STXBP6: variants seen among roughly 807,000 people sequenced by gnomAD.
STXBP6 encodes syntaxin-binding protein 6.
STXBP6 carries 21 observed loss-of-function variants against 26.9 expected under a neutral mutation model. That is an observed-to-expected ratio of 0.78 (90% CI 0.55 to 1.12). STXBP6 has a LOEUF of 1.12. Among genes scored for constraint, STXBP6 ranks in the 50% most tolerant of loss-of-function variants. STXBP6 has a pLI of 0.00. For missense variants in STXBP6, 232 were observed against 257.9 expected, an observed-to-expected ratio of 0.90 and a Z score of 0.69; for synonymous variants, 97 against 92.6, an observed-to-expected ratio of 1.05 and a Z score of -0.27.
chr14:24,899,812 A>AAAAAG (rs2071147278), intron 2 of STXBP6, among the ~76,000 whole-genome samples: 5 of 144,650 alleles, frequency 3.5e-5, no homozygotes, highest in African/African-American at 1.1e-4. Flanking sequence ...AAAAAAAAAA[A>AAAAAG]AAAAGAGTAA....
chr14:24,858,346 G>A (rs567727158), intron 2 of STXBP6, among the ~76,000 whole-genome samples: 2 of 152,192 alleles, frequency 1.3e-5, no homozygotes, highest in East Asian at 3.9e-4. Flanking sequence ...ACTGTCCTTA[G>A]ATCTAGTGAG....
chr14:24,816,539 C>T (rs1221959415), intron 5 of STXBP6: 1 of 152,050 alleles, frequency 6.6e-6, no homozygotes, highest in Non-Finnish European at 1.5e-5. Context: ...CTAGTAACCC[C>T]TCCTCTTCCC....
At chr14:24,944,015 G>C (rs1402202861) in intron 2 of STXBP6, among the ~76,000 whole-genome samples, 1 of 151,890 alleles carries the variant, frequency 6.6e-6, no homozygotes, top group Non-Finnish European at 1.5e-5. Context: ...AATTAGTGTT[G>C]GTTTTTATTG....
At chr14:24,988,166 G>A (rs1042256509) in intron 1 of STXBP6, among the ~76,000 whole-genome samples, 1 of 152,302 alleles carries the variant, frequency 6.6e-6, no homozygotes, top group East Asian at 1.9e-4. Flanking sequence ...CTTCTAAGAG[G>A]ACATTCATCT....
intron 4 of STXBP6, among the ~76,000 whole-genome samples, chr14:24,825,803 C>G (rs867438509): frequency 6.6e-6 from 1 of 152,196 alleles, no homozygotes; most frequent in African/African-American, 2.4e-5. Context: ...TTATTCAGGT[C>G]TCTTTAAACA....
Position 25,038,507 on chromosome 14 carries a change from T to C in STXBP6, c.-33+11371A>G, listed in dbSNP as rs1227752834. Among the ~76,000 whole-genome samples the C allele has an allele frequency of 3.3e-5, 5 of 152,186 alleles. No homozygotes were observed. In the East Asian group the frequency reaches 9.6e-4, roughly 29 times the overall value. On this transcript the variant is annotated intron_variant, in intron 1 of 5. Transcript: ENST00000323944. ...AATTTATGTTCACACAAAGGAATAC[T>C]ATCCAATAATGAAAATAAATAAACT...
chr14:25,033,624 C>T (rs1401625693), intron 1 of STXBP6, among the ~76,000 whole-genome samples: 1 of 152,154 alleles, frequency 6.6e-6, no homozygotes, highest in East Asian at 1.9e-4. Flanking sequence ...CATCTCCCTC[C>T]CTCTTTAACT....
chr14:24,917,259 A>G (rs1378200684), intron 2 of STXBP6, among the ~76,000 whole-genome samples: 1 of 152,126 alleles, frequency 6.6e-6, no homozygotes, highest in African/African-American at 2.4e-5. Context: ...AAACTAGAAG[A>G]AAAGATGACA....
chr14:25,030,661 C>T (rs2075436752), intron 1 of STXBP6, among the ~76,000 whole-genome samples: 1 of 152,138 alleles, frequency 6.6e-6, no homozygotes, highest in African/African-American at 2.4e-5. Context: ...TCAATATCCA[C>T]CTAAACACCA....
chr14:24,928,775 T>C (rs9323576), intron 2 of STXBP6, among the ~76,000 whole-genome samples: 37,286 of 152,030 alleles, frequency 0.25, 4,848 homozygotes, highest in African/African-American at 0.33. Context: ...CAAAGGTACT[T>C]GAGACCATGC....
intron 2 of STXBP6, among the ~76,000 whole-genome samples, chr14:24,898,713 G>C (rs2071092489): frequency 6.6e-6 from 1 of 152,052 alleles, no homozygotes; most frequent in African/African-American, 2.4e-5. Context: ...GAAATGGCAA[G>C]GGATTTAGGT....
At chr14:24,934,748 C>T (rs968333812) in intron 2 of STXBP6, among the ~76,000 whole-genome samples, 3 of 151,838 alleles carry the variant, frequency 2.0e-5, no homozygotes, top group Non-Finnish European at 4.4e-5. Flanking sequence ...AGCCAAGGGG[C>T]ATAGGAGGAA....
At chr14:24,865,383 G>A (rs2139273649) in intron 2 of STXBP6, among the ~76,000 whole-genome samples, 1 of 152,236 alleles carries the variant, frequency 6.6e-6, no homozygotes, top group Admixed American at 6.5e-5. Flanking sequence ...GAAGAGACTG[G>A]CAGATTCCCT....
At chr14:24,997,823 T>G (rs2074644837) in intron 1 of STXBP6, among the ~76,000 whole-genome samples, 1 of 152,130 alleles carries the variant, frequency 6.6e-6, no homozygotes, top group Non-Finnish European at 1.5e-5. Context: ...CATTATTAAG[T>G]ACAACTTTTC....
At chr14:24,969,254 T>C (rs139645699) in intron 2 of STXBP6, among the ~76,000 whole-genome samples, 1 of 152,192 alleles carries the variant, frequency 6.6e-6, no homozygotes, top group Non-Finnish European at 1.5e-5. Flanking sequence ...TCACAAAAAT[T>C]AAAGCTCCCA....
At chr14:24,956,446 T>C (rs546548272) in intron 2 of STXBP6, among the ~76,000 whole-genome samples, 95 of 152,344 alleles carry the variant, frequency 6.2e-4, no homozygotes, top group Admixed American at 3.3e-3. Flanking sequence ...AAAATGAATA[T>C]GAAGAAAATA....
intron 2 of STXBP6, among the ~76,000 whole-genome samples, chr14:24,931,117 C>CA (rs749625860): frequency 0.27 from 6,123 of 22,660 alleles, 919 homozygotes; most frequent in Non-Finnish European, 0.35. Flanking sequence ...GACTCCGTCT[C>CA]AAAAAAAAAA....
chr14:24,833,720 T>A (rs972376242), intron 4 of STXBP6, among the ~76,000 whole-genome samples: 2 of 152,200 alleles, frequency 1.3e-5, no homozygotes, highest in Non-Finnish European at 2.9e-5. Flanking sequence ...TTTGGGAGGA[T>A]TTAAAACAAA....
rs547212403 is a variant in STXBP6 at position 24,864,975 on chromosome 14, C to A, written c.155-7818G>T. On this transcript the variant is annotated intron_variant, in intron 2 of 5. Transcript: ENST00000323944. Reference sequence around the variant, plus strand: ...TGTTCGACTGGGGAGTAAAATCCAGCAACATGCTCTGGTTAAAACCAAGAT... The same window carrying A: ...TGTTCGACTGGGGAGTAAAATCCAGAAACATGCTCTGGTTAAAACCAAGAT... 1.0e-3 allele frequency among the ~76,000 whole-genome samples: 155 copies of A among 152,224 alleles called. 2 individuals are homozygous for A. In the South Asian group the frequency reaches 0.027, roughly 27 times the overall value.
Sources: gnomAD v4.1 joint callset for allele counts (sites outside exome capture counted in the v4.1 genomes callset) on GRCh38, gnomAD v4.1.1 for gene constraint, MANE v1.5 for transcripts, NCBI Gene and HGNC (gene_info 2026-07-23, HGNC 2026-07-21) for gene names.